The following AGBL1 variants were observed in gnomAD, a reference collection of about 807,000 sequenced individuals.
The protein encoded by AGBL1 is AGBL carboxypeptidase 1, also known as cytosolic carboxypeptidase 4.
In AGBL1, 130 loss-of-function variants were observed where a neutral mutation model predicts 118.9. That is an observed-to-expected ratio of 1.09 (90% CI 0.95 to 1.26). The LOEUF is 1.26. Among genes scored for constraint, AGBL1 ranks in the 50% most tolerant of loss-of-function variants. AGBL1 has a pLI of 0.00. For synonymous variants in AGBL1, 555 were observed against 478.9 expected (o/e 1.16, Z -2.08); for missense variants, 1,584 against 1,298.1 (o/e 1.22, Z -3.38).
chr15:86,729,620 A>G (rs2077501734), intron 22 of AGBL1, among the ~76,000 whole-genome samples: 1 of 152,056 alleles, frequency 6.6e-6, no homozygotes, highest in Non-Finnish European at 1.5e-5. Context: ...GTTCTTTTTT[A>G]TGGCTGCATA....
intron 1 of AGBL1, among the ~76,000 whole-genome samples, chr15:86,112,950 T>A (rs952682297): frequency 6.6e-6 from 1 of 152,212 alleles, no homozygotes; most frequent in Non-Finnish European, 1.5e-5. Flanking sequence ...TTAGGAAAAT[T>A]CCCCTTAAAA....
At chr15:86,536,343 G>C (rs1271564692) in intron 19 of AGBL1, among the ~76,000 whole-genome samples, 2 of 152,034 alleles carry the variant, frequency 1.3e-5, no homozygotes, top group South Asian at 4.1e-4. Context: ...ATGGGGTCTC[G>C]ATCTGTCACC....
chr15:86,391,045 G>A lies in AGBL1; in HGVS notation c.2375-6321G>A, dbSNP rs989764441. On this transcript the variant is annotated intron_variant, in intron 17 of 22. Coordinates refer to ENST00000614907, the MANE Select transcript of AGBL1 (RefSeq NM_001386094.1). ...AAAAAAAAAAAAAGGCAAATCGGTG[G>A]TTGCCAGAGGCTAGGGGTGGGGTGA... Among the ~76,000 whole-genome samples the A allele has an allele frequency of 2.6e-5, 4 of 151,274 alleles. No individual in the cohort carries two copies. In the South Asian group the frequency reaches 6.3e-4, roughly 24 times the overall value.
intron 24 of AGBL1, among the ~76,000 whole-genome samples, chr15:87,014,757 A>G (rs2081593066): frequency 6.6e-6 from 1 of 152,168 alleles, no homozygotes; most frequent in South Asian, 2.1e-4. Context: ...GTGGGGGAAT[A>G]CCTGAACAAG....
At chr15:86,083,188 T>G (rs1895403431) in intron 1 of AGBL1, among the ~76,000 whole-genome samples, 1 of 151,898 alleles carries the variant, frequency 6.6e-6, no homozygotes, top group Non-Finnish European at 1.5e-5. Flanking sequence ...GACTCCAATA[T>G]ACTTGGAAAA....
rs139244829 is a variant in AGBL1, at chr15:86,165,466, A to G, written c.488+6440A>G. ...CATTCCACTTTATCTGATCATAGTA[A>G]CTGATAGATGAGTGAGACTCAGCCA... On this transcript the variant is annotated intron_variant, in intron 5 of 22. Coordinates refer to ENST00000614907, the MANE Select transcript of AGBL1 (RefSeq NM_001386094.1). Among the ~76,000 whole-genome samples the G allele has an allele frequency of 3.4e-3, 524 of 152,252 alleles. 2 individuals carry two copies. The highest frequency in any genetic ancestry group is 6.8e-3 in the Middle Eastern group (2 of 294).
intron 22 of AGBL1, among the ~76,000 whole-genome samples, chr15:86,744,468 A>G (rs16977953): frequency 0.019 from 2,952 of 152,202 alleles, 98 homozygotes; most frequent in African/African-American, 0.068. Flanking sequence ...CTAGATAATG[A>G]GCAGATATGG....
chr15:86,488,376 C>T (rs1028297155), intron 18 of AGBL1, among the ~76,000 whole-genome samples: 2 of 151,748 alleles, frequency 1.3e-5, no homozygotes, highest in Non-Finnish European at 2.9e-5. Flanking sequence ...AGCTCCCAAA[C>T]TATGTTTGCT....
At chr15:86,423,654 A>G (rs1408517701) in intron 18 of AGBL1, among the ~76,000 whole-genome samples, 1 of 152,178 alleles carries the variant, frequency 6.6e-6, no homozygotes, top group African/African-American at 2.4e-5. Context: ...CGCAACCCCA[A>G]ATCTCCTTAA....
intron 24 of AGBL1, among the ~76,000 whole-genome samples, chr15:87,001,856 T>A (rs1328897479): frequency 6.6e-6 from 1 of 152,054 alleles, no homozygotes; most frequent in Non-Finnish European, 1.5e-5. Context: ...GTTTGAGTTC[T>A]TTGTAGATTC....
At chr15:86,787,996 C>A (rs1051770848) in intron 22 of AGBL1, among the ~76,000 whole-genome samples, 1 of 152,058 alleles carries the variant, frequency 6.6e-6, no homozygotes, top group Non-Finnish European at 1.5e-5. Flanking sequence ...TTGAAGGCCA[C>A]CTTCTTGAAC....
chr15:86,155,923 T>A (rs936312474), intron 4 of AGBL1, among the ~76,000 whole-genome samples: 3 of 151,738 alleles, frequency 2.0e-5, no homozygotes, highest in African/African-American at 4.8e-5. Flanking sequence ...ATTTTTTTAA[T>A]TTTTTTTTAT....
At chr15:86,167,735 A>C (rs538854114) in intron 5 of AGBL1, among the ~76,000 whole-genome samples, 2 of 152,350 alleles carry the variant, frequency 1.3e-5, no homozygotes, top group South Asian at 2.1e-4. Context: ...TGGGAAGGAA[A>C]GGGTCAAAAG....
chr15:86,753,869 C>A (rs552559026), intron 22 of AGBL1, among the ~76,000 whole-genome samples: 1 of 152,222 alleles, frequency 6.6e-6, no homozygotes, highest in South Asian at 2.1e-4. Context: ...TCCCTCTATC[C>A]CAGTGTCTTT....
intron 22 of AGBL1, among the ~76,000 whole-genome samples, chr15:86,727,210 G>A (rs2086834038): frequency 6.6e-6 from 1 of 152,058 alleles, no homozygotes; most frequent in Non-Finnish European, 1.5e-5. Flanking sequence ...ATATCAGGAA[G>A]GTGTGAGACA....
chr15:86,295,279 A>G lies in AGBL1; in HGVS notation c.2245A>G (p.Ser749Gly). The G allele has an allele frequency of 2.5e-6, 4 of 1,613,728 alleles. No individual in the cohort carries two copies. The highest frequency in any genetic ancestry group is 3.4e-6 in the Non-Finnish European group (4 of 1,179,722). ...GACTCATCTTGACATCCTGGAAAAGAGTGTCAACCTCAAAGAGGTCTACTT... is the reference window on the plus strand; with the variant it reads ...GACTCATCTTGACATCCTGGAAAAGGGTGTCAACCTCAAAGAGGTCTACTT... ...LMTHLDILEK[S>G]VNLKEVYFRQ... The change falls in exon 17 of 23, where the codon AGT becomes GGT. Residue 749 changes from serine (S) to glycine (G), a missense_variant. Ser to Gly is a moderately conservative substitution (Grantham distance 56). Transcript: ENST00000614907.
intron 21 of AGBL1, among the ~76,000 whole-genome samples, chr15:86,557,133 A>G (rs749028991): frequency 6.6e-6 from 1 of 152,182 alleles, no homozygotes; most frequent in East Asian, 1.9e-4. Context: ...TAGGTCATAC[A>G]CTTAGATCTA....
intron 6 of AGBL1, among the ~76,000 whole-genome samples, chr15:86,235,858 A>C (rs2141961089): frequency 6.6e-6 from 1 of 152,306 alleles, no homozygotes; most frequent in South Asian, 2.1e-4. Context: ...GCATCAACTG[A>C]GTAAAGGCCA....
chr15:86,133,585 A>G lies in AGBL1; in HGVS notation c.52-8419A>G, dbSNP rs139194478. Among the ~76,000 whole-genome samples, 1,286 of 152,330 alleles carry G rather than the reference A, an allele frequency of 8.4e-3. 20 individuals are homozygous for G. Among genetic ancestry groups the G allele is most frequent in the African/African-American group, 0.03 (1,240 of 41,568 alleles). On this transcript the variant is annotated intron_variant, in intron 1 of 22. Transcript: ENST00000614907. The stretch of plus-strand genomic sequence containing the variant: ...CTAGCGCAGTTCCTGGTACATAGCA[A>G]ATGCTCAACAAACATCTACCAAATA...
Sources: allele counts gnomAD v4.1 joint callset (sites outside exome capture counted in the v4.1 genomes callset), GRCh38; gene constraint gnomAD v4.1.1; transcripts MANE v1.5; gene names NCBI Gene and HGNC (gene_info 2026-07-23, HGNC 2026-07-21).